The following PPP1R13B variants were observed in gnomAD, a reference collection of about 807,000 sequenced individuals.
PPP1R13B encodes apoptosis-stimulating of p53 protein 1.
A neutral mutation model predicts 119.8 loss-of-function variants in PPP1R13B; 44 were observed. The observed-to-expected ratio is 0.37, with a 90% confidence interval of 0.29 to 0.47. The LOEUF (loss-of-function observed/expected upper bound fraction) is 0.47, where lower values mean the gene tolerates loss of function less well. PPP1R13B is among the 20% of genes least tolerant of loss of function. PPP1R13B has a pLI of 0.99. For synonymous variants in PPP1R13B, 542 were observed against 561.5 expected (o/e 0.97, Z 0.49); for missense variants, 1,227 against 1,413.5 (o/e 0.87, Z 2.12).
chr14:103,848,584 C>T (rs1331712082), upstream of PPP1R13B: 19 of 780,956 alleles, frequency 2.4e-5, no homozygotes, highest in Non-Finnish European at 2.6e-5. Flanking sequence ...GCAAGGTCTG[C>T]GGATGGCCCC....
rs377181989 is a variant in PPP1R13B, at chr14:103,737,827, G to A, written c.2898C>T (p.Ser966=). The A allele has an allele frequency of 5.5e-5, 89 of 1,614,038 alleles. No individual in the cohort carries two copies. Among genetic ancestry groups the A allele is most frequent in the East Asian group, 1.6e-4 (7 of 44,904 alleles). The change falls in exon 15 of 17, where the codon AGC becomes AGT. Residue 966 remains serine (S), a synonymous_variant. Transcript: ENST00000202556. ...CCACCAGCTGTTTGCAGAGGTGAAC[G>A]CTGTTACAAGAGGCAGCGCAGTGCA... The part of the protein sequence containing the change: ...TPLHCAASCN[S]VHLCKQLVES...
Position 103,741,912 on chromosome 14 carries a change from G to T in PPP1R13B, c.1700C>A (p.Pro567His). The change falls in exon 11 of 17, where the codon CCC becomes CAC. Residue 567 changes from proline to histidine, a missense_variant. By Grantham distance (77) the Pro-to-His change is moderately conservative. Transcript: ENST00000202556. ...LADKGSRPQS[P>H]RKGPQTVNSS... is the part of the protein sequence containing the mutation. ...ATTCACTGTCTGGGGTCCTTTCCTGGGAGACTGTGGCCTTGACCCTTTATC... is the reference window on the plus strand; with the variant it reads ...ATTCACTGTCTGGGGTCCTTTCCTGTGAGACTGTGGCCTTGACCCTTTATC... The T allele has an allele frequency of 6.2e-7, 1 of 1,614,212 alleles. No individual in the cohort carries two copies. The highest frequency in any genetic ancestry group is 8.5e-7 in the Non-Finnish European group (1 of 1,180,042).
At chr14:103,845,282 C>T (rs749947965) in intron 1 of PPP1R13B, among the ~76,000 whole-genome samples, 2 of 152,040 alleles carry the variant, frequency 1.3e-5, no homozygotes, top group African/African-American at 2.4e-5. Flanking sequence ...TCTGAAAACT[C>T]CTACTAAATT....
chr14:103,749,993 T>C lies in PPP1R13B; in HGVS notation c.829-59A>G, dbSNP rs558537601. The C allele has an allele frequency of 1.5e-4, 239 of 1,563,430 alleles. 2 individuals are homozygous for C. In the South Asian group the frequency reaches 2.1e-3, roughly 14 times the overall value. ...TGTTAATTAAAAGTCAAATTCTCAT[T>C]GCCAGGGAGATTAAAAAAGAAAAAG... On this transcript the variant is annotated intron_variant, in intron 7 of 16. Coordinates refer to ENST00000202556, the MANE Select transcript of PPP1R13B (RefSeq NM_015316.3).
At chr14:103,818,518 G>C (rs2086330640) in intron 1 of PPP1R13B, 1 of 981,334 alleles carries the variant, frequency 1.0e-6, no homozygotes, top group African/African-American at 1.8e-5. Flanking sequence ...TATTTTCTTG[G>C]CAGCTACTAG....
chr14:103,825,322 G>A (rs1174295403), intron 1 of PPP1R13B, among the ~76,000 whole-genome samples: 1 of 152,174 alleles, frequency 6.6e-6, no homozygotes, highest in African/African-American at 2.4e-5. Context: ...GTGCTCAAGT[G>A]AAAGGAAAGT....
upstream of PPP1R13B, chr14:103,848,389 C>T (rs2087124597): frequency 2.0e-6 from 2 of 985,346 alleles, no homozygotes; most frequent in South Asian, 4.7e-5. Flanking sequence ...CCCCTCGGGC[C>T]TGAGCGCCGG....
chr14:103,834,427 A>G (rs970098128), intron 1 of PPP1R13B, among the ~76,000 whole-genome samples: 10 of 152,056 alleles, frequency 6.6e-5, no homozygotes, highest in African/African-American at 2.2e-4. Flanking sequence ...GGGGAGAGGC[A>G]TTTCATACAA....
intron 1 of PPP1R13B, among the ~76,000 whole-genome samples, chr14:103,809,592 G>C (rs2152056842): frequency 6.6e-6 from 1 of 152,064 alleles, no homozygotes; most frequent in East Asian, 2.0e-4. Context: ...AGGTTGAGGT[G>C]GGCAGGCTGC....
intron 3 of PPP1R13B, among the ~76,000 whole-genome samples, chr14:103,779,580 G>C (rs1001040826): frequency 6.6e-6 from 1 of 150,900 alleles, no homozygotes; most frequent in Non-Finnish European, 1.5e-5. Context: ...TTCAAGACCA[G>C]CCTGGGCAAC....
At position 103,812,416 on chromosome 14, in the gene PPP1R13B, G is replaced by A. The variant is rs979468278; in HGVS notation, c.10-14898C>T. ...TGGGATTACAGGCGTGAGCCACCGC[G>A]TGTGGCTGTTTCTGTGTTTTTGAGA... On this transcript the variant is annotated intron_variant, in intron 1 of 16. Coordinates refer to ENST00000202556, the MANE Select transcript of PPP1R13B (RefSeq NM_015316.3). Among the ~76,000 whole-genome samples, 11 of 149,262 alleles carry A rather than the reference G, an allele frequency of 7.4e-5. No individual in the cohort carries two copies. The South Asian group carries it at 8.5e-4, about 12-fold the overall frequency.
At chr14:103,803,853 A>G (rs2085958499) in intron 1 of PPP1R13B, among the ~76,000 whole-genome samples, 1 of 152,004 alleles carries the variant, frequency 6.6e-6, no homozygotes, top group South Asian at 2.1e-4. Flanking sequence ...CACTGACAGT[A>G]CTCTCTACCC....
chr14:103,749,037 A>G (rs1247853853), intron 8 of PPP1R13B, among the ~76,000 whole-genome samples: 1 of 152,190 alleles, frequency 6.6e-6, no homozygotes, highest in Non-Finnish European at 1.5e-5. Context: ...GGACTTTCAC[A>G]TTTTCCCTTA....
At chr14:103,810,807 G>A (rs1460645770) in intron 1 of PPP1R13B, among the ~76,000 whole-genome samples, 1 of 151,392 alleles carries the variant, frequency 6.6e-6, no homozygotes, top group Non-Finnish European at 1.5e-5. Flanking sequence ...GACTGCTTGA[G>A]GCTAGGTGTG....
At chr14:103,748,826 T>C (rs534859615) in intron 8 of PPP1R13B, among the ~76,000 whole-genome samples, 1 of 152,294 alleles carries the variant, frequency 6.6e-6, no homozygotes, top group Admixed American at 6.5e-5. Flanking sequence ...GACCAGGGAA[T>C]AGCTTTCAGA....
intron 1 of PPP1R13B, among the ~76,000 whole-genome samples, chr14:103,832,854 C>T (rs993578993): frequency 6.6e-6 from 1 of 152,044 alleles, no homozygotes; most frequent in Admixed American, 6.6e-5. Context: ...TGGTGATGGG[C>T]GCCTGTAATC....
chr14:103,773,850 C>T (rs1170913789), intron 4 of PPP1R13B, among the ~76,000 whole-genome samples: 1 of 152,198 alleles, frequency 6.6e-6, no homozygotes, highest in Non-Finnish European at 1.5e-5. Context: ...CCTCTCCTGG[C>T]ATAAGTCTAA....
chr14:103,837,083 T>G (rs2086795899), intron 1 of PPP1R13B, among the ~76,000 whole-genome samples: 1 of 152,186 alleles, frequency 6.6e-6, no homozygotes, highest in Non-Finnish European at 1.5e-5. Context: ...ACAAAAAGTG[T>G]ACATATAAAC....
chr14:103,779,011 C>A (rs759928037), intron 3 of PPP1R13B, among the ~76,000 whole-genome samples, 190 bp from the exon 4 acceptor site: 3 of 152,132 alleles, frequency 2.0e-5, no homozygotes, highest in Non-Finnish European at 4.4e-5. Context: ...GTTCAGGCTG[C>A]GCTCAGTGGC....
Sources: gnomAD v4.1 joint callset for allele counts (sites outside exome capture counted in the v4.1 genomes callset) on GRCh38, gnomAD v4.1.1 for gene constraint, MANE v1.5 for transcripts, NCBI Gene and HGNC (gene_info 2026-07-23, HGNC 2026-07-21) for gene names.